Variants in URB1 observed in about 807,000 individuals in gnomAD.
The protein encoded by URB1 is nucleolar pre-ribosomal-associated protein 1.
In URB1, 197 loss-of-function variants were observed where a neutral mutation model predicts 242.3. That is an observed-to-expected ratio of 0.81 (90% CI 0.72 to 0.91). The LOEUF is 0.91. URB1 is among the 40% of genes least tolerant of loss of function. The pLI is 0.00. For synonymous variants in URB1, 1,153 were observed against 1,201.8 expected, an observed-to-expected ratio of 0.96 and a Z score of 0.84; for missense variants, 2,721 against 2,860.5, an observed-to-expected ratio of 0.95 and a Z score of 1.11.
chr21:32,354,389 C>T (rs1332559948), intron 17 of URB1, among the ~76,000 whole-genome samples: 1 of 152,114 alleles, frequency 6.6e-6, no homozygotes, highest in Non-Finnish European at 1.5e-5. Flanking sequence ...GATATTCAGG[C>T]AAACAAGCCA....
intron 24 of URB1, among the ~76,000 whole-genome samples, chr21:32,342,679 A>T (rs2033043892): frequency 6.8e-6 from 1 of 147,468 alleles, no homozygotes; most frequent in Non-Finnish European, 1.5e-5. Context: ...TGAACCAGGA[A>T]AGCCGGAACC....
intron 3 of URB1, 149 bp from the exon 4 acceptor site, chr21:32,383,703 G>C: frequency 1.2e-6 from 1 of 866,536 alleles, no homozygotes; most frequent in Non-Finnish European, 1.6e-6. Flanking sequence ...TTTTTTTAAG[G>C]AAAAAGAAAA....
intron 24 of URB1, among the ~76,000 whole-genome samples, 192 bp from the exon 25 acceptor site, chr21:32,341,716 C>A (rs919143177): frequency 2.0e-5 from 3 of 152,070 alleles, no homozygotes; most frequent in Admixed American, 6.5e-5. Context: ...GTGATTCAAC[C>A]CAGCAGCTGC....
chr21:32,311,929 G>A lies in URB1; in HGVS notation c.*2989C>T. On this transcript the variant is annotated 3_prime_UTR_variant, in exon 39 of 39. Transcript: ENST00000382751. The stretch of plus-strand genomic sequence containing the variant: ...CTCTGGGAACTGACCCTCAATGGGG[G>A]TCCCCTCGTCAGGAGCAAGCCCAGC... 4 of 1,613,712 alleles carry A rather than the reference G, an allele frequency of 2.5e-6. No homozygotes were observed. Among genetic ancestry groups the A allele is most frequent in the Non-Finnish European group, 3.4e-6 (4 of 1,180,052 alleles).
intron 15 of URB1, among the ~76,000 whole-genome samples, chr21:32,356,484 T>G (rs970026839): frequency 1.1e-4 from 17 of 152,198 alleles, no homozygotes; most frequent in Non-Finnish European, 2.1e-4. Flanking sequence ...AAAATTTGGC[T>G]GCTACTTAGG....
At chr21:32,390,470 T>G (rs958306715) in intron 1 of URB1, among the ~76,000 whole-genome samples, 2 of 100,876 alleles carry the variant, frequency 2.0e-5, no homozygotes, top group Admixed American at 8.5e-5. Context: ...TTTGATGGGG[T>G]TTTTTTTTTT....
rs146921552 is a variant in URB1 at position 32,314,682 on chromosome 21, G to T, written c.*236C>A. ...GGCACTGGATGGGCCTCATGGCCTAGAAGTCCCCACATTCCTTGCAACTCT... is the reference window on the plus strand; with the variant it reads ...GGCACTGGATGGGCCTCATGGCCTATAAGTCCCCACATTCCTTGCAACTCT... On this transcript the variant is annotated 3_prime_UTR_variant, in exon 39 of 39. Coordinates refer to ENST00000382751, the MANE Select transcript of URB1 (RefSeq NM_014825.3). The T allele has an allele frequency of 1.9e-5, 31 of 1,601,762 alleles. No homozygotes were observed. In the Admixed American group the frequency reaches 2.0e-4, roughly 10 times the overall value.
At chr21:32,337,571 A>G in intron 26 of URB1, 57 bp from the exon 27 acceptor site, 1 of 1,408,906 alleles carries the variant, frequency 7.1e-7, no homozygotes. Context: ...ACTGAATACC[A>G]GAAGAGGAGA....
Position 32,339,794 on chromosome 21 carries a change from T to C in URB1, c.4317-894A>G, listed in dbSNP as rs147278538. On this transcript the variant is annotated intron_variant, in intron 25 of 38. Transcript: ENST00000382751. ...GCGTGAGCCACTGAGCCCAGCCCAG[T>C]GCATTTGTTTTCTTTATGACTCAAA... Among the ~76,000 whole-genome samples the C allele has an allele frequency of 4.9e-3, 738 of 151,844 alleles. 8 individuals are homozygous for C. The highest frequency in any genetic ancestry group is 0.016 in the African/African-American group (665 of 41,416).
chr21:32,349,183 T>C lies in URB1; in HGVS notation c.3012+121A>G, dbSNP rs544519397. On this transcript the variant is annotated intron_variant, in intron 21 of 38. Coordinates refer to ENST00000382751, the MANE Select transcript of URB1 (RefSeq NM_014825.3). ...GCCAGGAAGTTTTTATGATCTCTGC[T>C]GTAGTTTCTGCATTTCCCAATTTTC... 6.3e-5 allele frequency: 83 copies of C among 1,318,274 alleles called. 2 individuals carry two copies. In the South Asian group the frequency reaches 1.2e-3, roughly 19 times the overall value. The allele number at this position is 1,318,274 out of a possible 1,614,324, so 81.7% of individuals were successfully genotyped here.
rs1166399684 is a variant in URB1 at position 32,344,556 on chromosome 21, G to A, written c.4257+14C>T. On this transcript the variant is annotated intron_variant, in intron 24 of 38. Transcript: ENST00000382751. ...ACAGAAATTTAATCTGGATCTCTAA[G>A]AAAAGACACTTACCAACAACGCATT... 12 of 1,550,844 alleles carry A rather than the reference G, an allele frequency of 7.7e-6. No homozygotes were observed. The highest frequency in any genetic ancestry group is 1.0e-5 in the Non-Finnish European group (12 of 1,146,440).
At chr21:32,352,624 C>G in intron 19 of URB1, 86 bp downstream of exon 19, 1 of 1,499,168 alleles carries the variant, frequency 6.7e-7, no homozygotes, top group Non-Finnish European at 9.0e-7. Flanking sequence ...TCTGGCTACC[C>G]AACTGCACAG....
In URB1 at chr21:32,383,404, A is replaced by C; in HGVS notation, c.567+18T>G. On this transcript the variant is annotated intron_variant, in intron 4 of 38. Transcript: ENST00000382751. ...GAAGGAGACCCATGGAAGGCACGAG[A>C]CACTGTGGTCCCCTCACCTTTGAAT... is the stretch of plus-strand genomic sequence containing the variant. The C allele has an allele frequency of 6.5e-7, 1 of 1,547,318 alleles. No individual in the cohort carries two copies. Among genetic ancestry groups the C allele is most frequent in the Non-Finnish European group, 8.7e-7 (1 of 1,144,898 alleles).
At chr21:32,377,775 A>G (rs775120727) in intron 5 of URB1, among the ~76,000 whole-genome samples, 1 of 151,852 alleles carries the variant, frequency 6.6e-6, no homozygotes, top group Non-Finnish European at 1.5e-5. Flanking sequence ...GCACCCTGCT[A>G]CTCCTCCTCA....
At chr21:32,344,493 T>A in intron 24 of URB1, 77 bp downstream of exon 24, 1 of 1,479,898 alleles carries the variant, frequency 6.8e-7, no homozygotes, top group Non-Finnish European at 9.1e-7. Context: ...TGGCTTGAAA[T>A]GCATCTATAG....
rs1181684011 is a variant in URB1 at position 32,344,660 on chromosome 21, C to T, written c.4167G>A (p.Trp1389Ter). 6 of 1,552,254 alleles carry T rather than the reference C, an allele frequency of 3.9e-6. No homozygotes were observed. In the African/African-American group the frequency reaches 6.8e-5, roughly 18 times the overall value. The part of the protein sequence containing the change: ...RRTLLESCVK[W>*]LIVSFSGGQQ... ...GTCCACCACTGAAAGACACGATCAG[C>T]CACTTCACACAGGACTCCAAAAGGG... Residue 1389 changes from tryptophan to a stop codon, truncating the protein, a stop_gained, in exon 24 of 39, where the codon TGG becomes TGA. Transcript: ENST00000382751. LOFTEE classifies it high-confidence loss of function.
chr21:32,372,455 G>T, intron 8 of URB1, 52 bp downstream of exon 8: 1 of 1,530,192 alleles, frequency 6.5e-7, no homozygotes, highest in South Asian at 1.2e-5. Flanking sequence ...CATATGTGGT[G>T]ACTTCTGAGG....
chr21:32,351,716 C>T (rs1448088168), intron 19 of URB1, among the ~76,000 whole-genome samples: 1 of 152,172 alleles, frequency 6.6e-6, no homozygotes, highest in Non-Finnish European at 1.5e-5. Context: ...AGTCTTATTC[C>T]ACAGAAGGTG....
chr21:32,360,228 G>GCTAACATTCTCCCTGACTCCCCAGA (rs2033268369), intron 13 of URB1, among the ~76,000 whole-genome samples: 1 of 152,118 alleles, frequency 6.6e-6, no homozygotes, highest in Non-Finnish European at 1.5e-5. Context: ...GTAGGCTCTC[G>GCTAACATTCTCCCTGACTCCCCAGA]CTAACATTCT....
Sources: gnomAD v4.1 joint callset for allele counts (sites outside exome capture counted in the v4.1 genomes callset) on GRCh38, gnomAD v4.1.1 for gene constraint, MANE v1.5 for transcripts, NCBI Gene and HGNC (gene_info 2026-07-23, HGNC 2026-07-21) for gene names.